ST3GAL3: variants seen among roughly 807,000 people sequenced by gnomAD.
ST3GAL3 encodes the protein ST3 beta-galactoside alpha-2,3-sialyltransferase 3, also known as CMP-N-acetylneuraminate-beta-1,4-galactoside alpha-2,3-sialyltransferase.
In ST3GAL3, 21 loss-of-function variants were observed where a neutral mutation model predicts 50.1. That is an observed-to-expected ratio of 0.42 (90% confidence interval 0.30 to 0.60). The LOEUF is 0.60. Ranked by LOEUF, ST3GAL3 falls within the 20% of genes least tolerant of loss-of-function variation. ST3GAL3 has a pLI of 0.19. For missense variants in ST3GAL3, 353 were observed against 489.4 expected, an observed-to-expected ratio of 0.72 and a Z score of 2.63; for synonymous variants, 183 against 190.0, an observed-to-expected ratio of 0.96 and a Z score of 0.30.
intron 1 of ST3GAL3, among the ~76,000 whole-genome samples, chr1:43,719,934 GAAAAAAAAAAA>G (rs148364295): frequency 2.2e-4 from 9 of 41,732 alleles, no homozygotes; most frequent in East Asian, 8.0e-4. Context: ...CTCTGTCTCA[GAAAAAAAAAAA>G]AAAAAAAAAA....
At chr1:43,785,188 T>C (rs2057148588) in intron 2 of ST3GAL3, among the ~76,000 whole-genome samples, 2 of 152,214 alleles carry the variant, frequency 1.3e-5, no homozygotes, top group South Asian at 4.1e-4. Context: ...GACGTGAACA[T>C]TGAGGTATCA....
intron 9 of ST3GAL3, among the ~76,000 whole-genome samples, chr1:43,900,339 G>T (rs1240801015): frequency 6.6e-6 from 1 of 152,200 alleles, no homozygotes; most frequent in Non-Finnish European, 1.5e-5. Flanking sequence ...TCTGATCATT[G>T]GGAATGATCA....
intron 1 of ST3GAL3, among the ~76,000 whole-genome samples, chr1:43,717,734 C>T (rs1668098291): frequency 6.6e-6 from 1 of 152,010 alleles, no homozygotes; most frequent in South Asian, 2.1e-4. Flanking sequence ...TCTCAAACTC[C>T]TGAACTCAAG....
intron 1 of ST3GAL3, among the ~76,000 whole-genome samples, chr1:43,729,820 T>G (rs1384040209): frequency 3.3e-5 from 5 of 152,248 alleles, no homozygotes; most frequent in African/African-American, 1.2e-4. Context: ...CACATAAGAC[T>G]TTTTGTATTT....
At chr1:43,766,047 C>G (rs1692824821) in intron 2 of ST3GAL3, among the ~76,000 whole-genome samples, 2 of 152,118 alleles carry the variant, frequency 1.3e-5, no homozygotes, top group Admixed American at 6.5e-5. Context: ...ATTCATGTTC[C>G]TATTTCTCCT....
intron 5 of ST3GAL3, among the ~76,000 whole-genome samples, chr1:43,844,655 A>G (rs1443589161): frequency 1.3e-5 from 2 of 151,916 alleles, no homozygotes; most frequent in South Asian, 4.2e-4. Context: ...ACCAAAAATA[A>G]AAAAAAATTA....
At chr1:43,908,613 C>T (rs1338966822) in intron 9 of ST3GAL3, among the ~76,000 whole-genome samples, 1 of 151,922 alleles carries the variant, frequency 6.6e-6, no homozygotes, top group East Asian at 1.9e-4. Context: ...CCAAGCCTTC[C>T]CTTCTCCTTG....
rs2077889655 is a variant in ST3GAL3, at chr1:43,899,361, G to A, written c.557+98G>A. ...GTCTGTCTGGCTAGTTGGGCTGGAG[G>A]TCAACGGAAGCCTCAAGAACTCTGG... is the stretch of plus-strand genomic sequence containing the variant. On this transcript the variant is annotated intron_variant, in intron 8 of 11. Coordinates refer to ENST00000347631, the MANE Select transcript of ST3GAL3 (RefSeq NM_006279.5). The surrounding 1 kb of genome is among the most constrained non-coding windows in gnomAD (Gnocchi z 5.4). The A allele has an allele frequency of 1.9e-6, 3 of 1,605,018 alleles. No individual in the cohort carries two copies. Among genetic ancestry groups the A allele is most frequent in the African/African-American group, 1.3e-5 (1 of 74,790 alleles).
intron 9 of ST3GAL3, among the ~76,000 whole-genome samples, chr1:43,905,014 C>T (rs1312646591): frequency 2.7e-5 from 3 of 109,484 alleles, no homozygotes; most frequent in Non-Finnish European, 5.7e-5. Flanking sequence ...CTCCTCTTCC[C>T]ACCACTCTTC....
intron 4 of ST3GAL3, among the ~76,000 whole-genome samples, chr1:43,836,309 G>C (rs926310381): frequency 1.3e-5 from 2 of 152,210 alleles, no homozygotes; most frequent in African/African-American, 4.8e-5. Flanking sequence ...ACCAAATAAA[G>C]TCCCAACTCC....
intron 9 of ST3GAL3, among the ~76,000 whole-genome samples, chr1:43,917,413 G>A (rs1349416995): frequency 2.5e-5 from 3 of 120,282 alleles, no homozygotes; most frequent in African/African-American, 9.8e-5. Context: ...CCACTTTTTT[G>A]TTTCCCTCTC....
intron 4 of ST3GAL3, among the ~76,000 whole-genome samples, chr1:43,834,684 T>G (rs916850349): frequency 2.0e-5 from 3 of 152,132 alleles, no homozygotes; most frequent in African/African-American, 7.2e-5. Context: ...CCACTAGATA[T>G]CATGTGGTGA....
intron 5 of ST3GAL3, 86 bp from the exon 6 acceptor site, chr1:43,894,297 C>T: frequency 7.4e-7 from 1 of 1,355,970 alleles, no homozygotes; most frequent in Non-Finnish European, 1.1e-6. Context: ...CCAGCAGATC[C>T]TTTGCCAAGA....
chr1:43,709,527 G>A (rs770242292), intron 1 of ST3GAL3: 27 of 152,022 alleles, frequency 1.8e-4, no homozygotes, highest in Non-Finnish European at 3.5e-4. Context: ...GGGACCACAG[G>A]CAGGTGACCT....
At chr1:43,731,988 A>G (rs531985790) in intron 1 of ST3GAL3, among the ~76,000 whole-genome samples, 76 of 152,240 alleles carry the variant, frequency 5.0e-4, no homozygotes, top group African/African-American at 1.7e-3. Context: ...CTTAATCTTA[A>G]TTTTTAAATA....
intron 4 of ST3GAL3, among the ~76,000 whole-genome samples, chr1:43,817,448 CTTCT>C (rs2061413961): frequency 7.3e-6 from 1 of 137,014 alleles, no homozygotes; most frequent in East Asian, 2.6e-4. Flanking sequence ...CCTTCTCCTT[CTTCT>C]TTCTTCTTTC....
chr1:43,840,897 AT>A (rs1162403343), intron 5 of ST3GAL3: 11 of 152,378 alleles, frequency 7.2e-5, no homozygotes, highest in Admixed American at 4.6e-4. Flanking sequence ...TCGAGATACA[AT>A]GGGGGTATAG....
intron 1 of ST3GAL3, among the ~76,000 whole-genome samples, chr1:43,719,719 GGTCAGGA>G (rs111778160): frequency 0.31 from 47,088 of 150,440 alleles, 8,916 homozygotes; most frequent in East Asian, 0.49. Context: ...GATCACTTGA[GGTCAGGA>G]GTTGGAGACC....
intron 5 of ST3GAL3, among the ~76,000 whole-genome samples, chr1:43,882,534 A>G (rs1260120355): frequency 6.6e-6 from 1 of 152,204 alleles, no homozygotes; most frequent in East Asian, 1.9e-4. Context: ...CTTTAGGCCC[A>G]CCTGAATCTA....
Sources: gnomAD v4.1 joint callset for allele counts (sites outside exome capture counted in the v4.1 genomes callset) on GRCh38, gnomAD v4.1.1 for gene constraint, Gnocchi (gnomAD v3.1) non-coding constraint, MANE v1.5 for transcripts, NCBI Gene and HGNC (gene_info 2026-07-23, HGNC 2026-07-21) for gene names.